The following TNKS variants were observed in gnomAD, a reference collection of about 807,000 sequenced individuals.
TNKS encodes the protein tankyrase.
Under a neutral mutation model 135.8 loss-of-function variants are expected in TNKS, and 72 were observed. That is an observed-to-expected ratio of 0.53 (90% CI 0.44 to 0.64). The LOEUF is 0.64. TNKS is among the 30% of genes least tolerant of loss of function. The pLI is 0.00. For synonymous variants in TNKS, 849 were observed against 649.3 expected, an observed-to-expected ratio of 1.31 and a Z score of -4.68; for missense variants, 1,769 against 1,674.0, an observed-to-expected ratio of 1.06 and a Z score of -0.99.
intron 2 of TNKS, among the ~76,000 whole-genome samples, chr8:9,604,484 A>G (rs577411809): frequency 1.3e-5 from 2 of 152,240 alleles, no homozygotes; most frequent in South Asian, 4.1e-4. Context: ...GTAATTAAGT[A>G]TCTGCCTAAC....
At chr8:9,651,002 GA>G (rs1388936297) in intron 3 of TNKS, among the ~76,000 whole-genome samples, 1 of 152,082 alleles carries the variant, frequency 6.6e-6, no homozygotes, top group African/African-American at 2.4e-5. Context: ...TATAAAGTGA[GA>G]GATGAGGATC....
At chr8:9,740,666 C>G (rs762972261) in intron 17 of TNKS, among the ~76,000 whole-genome samples, 5 of 152,072 alleles carry the variant, frequency 3.3e-5, no homozygotes, top group Non-Finnish European at 7.4e-5. Context: ...AGTTACCTTT[C>G]TAAAGATGAG....
Position 9,733,292 on chromosome 8 carries a change from C to T in TNKS, c.2161C>T (p.Leu721Phe). 1 of 1,563,366 alleles carries T rather than the reference C, an allele frequency of 6.4e-7. No individual in the cohort carries two copies. The highest frequency in any genetic ancestry group is 8.6e-7 in the Non-Finnish European group (1 of 1,162,232). The stretch of plus-strand genomic sequence containing the variant: ...TCTTTTGTTTAGTGGCTTGGTGCCC[C>T]TTCATAATGCCTGTTCATATGGACA... Reference protein sequence around the residue: ...HAKDKGGLVPLHNACSYGHYE... With the variant: ...HAKDKGGLVPFHNACSYGHYE... Residue 721 changes from leucine to phenylalanine, a missense_variant, in exon 15 of 27, where the codon CTT becomes TTT. Physicochemically the swap from Leu to Phe is conservative, Grantham distance 22. This residue lies in a region of TNKS where 69 missense variants were observed against 120.3 expected (regional missense o/e 0.57). Transcript: ENST00000310430.
chr8:9,768,314 A>C (rs1651995969), intron 25 of TNKS, among the ~76,000 whole-genome samples: 1 of 152,226 alleles, frequency 6.6e-6, no homozygotes, highest in African/African-American at 2.4e-5. Flanking sequence ...AGCTGGCCAC[A>C]GTCTCATAGT....
At position 9,763,259 on chromosome 8, in the gene TNKS, A is replaced by C. The variant is rs769308714; in HGVS notation, c.3372+15A>C. 6.6e-7 allele frequency: 1 copy of C among 1,512,586 alleles called. No homozygotes were observed. The highest frequency in any genetic ancestry group is 9.1e-7 in the Non-Finnish European group (1 of 1,104,688). 93.7% of individuals were successfully genotyped at this position (1,512,586 alleles called of 1,614,324 possible). ...TGGAAGAAGAGGTAATATACATCAG[A>C]AATCTTTCATTTGCTTTTCTTGAAA... On this transcript the variant is annotated intron_variant, in intron 22 of 26. Coordinates refer to ENST00000310430, the MANE Select transcript of TNKS (RefSeq NM_003747.3).
At position 9,751,789 on chromosome 8, in the gene TNKS, G is replaced by A. The variant is rs1409838355; in HGVS notation, c.3013G>A (p.Gly1005Arg). Residue 1005 changes from glycine (G) to arginine (R), a missense_variant, in exon 19 of 27, where the codon GGA becomes AGA. This residue lies in a region of TNKS where 722 missense variants were observed against 688.9 expected (regional missense o/e 1.05). Coordinates refer to ENST00000310430, the MANE Select transcript of TNKS (RefSeq NM_003747.3). ...LTGPLAELAV[G>R]GASNAGDGAA... ...TGGCCCTTTAGCAGAGTTGGCCGTA[G>A]GAGGAGCCTCCAATGCAGGGGATGG... 8 of 1,614,172 alleles carry A rather than the reference G, an allele frequency of 5.0e-6. No homozygotes were observed. Among genetic ancestry groups the A allele is most frequent in the South Asian group, 3.3e-5 (3 of 91,080 alleles).
chr8:9,663,202 C>A (rs1048019575), intron 3 of TNKS, among the ~76,000 whole-genome samples: 2 of 152,190 alleles, frequency 1.3e-5, no homozygotes, highest in African/African-American at 4.8e-5. Context: ...CTTATGACCT[C>A]CAGAACTGTG....
chr8:9,615,915 C>T (rs35721526), intron 3 of TNKS, among the ~76,000 whole-genome samples: 13,046 of 151,656 alleles, frequency 0.086, 589 homozygotes, highest in South Asian at 0.17. Flanking sequence ...TAACATCTTT[C>T]ACTCGTATTT....
chr8:9,693,171 G>A (rs1434828868), intron 5 of TNKS, among the ~76,000 whole-genome samples: 1 of 152,134 alleles, frequency 6.6e-6, no homozygotes, highest in African/African-American at 2.4e-5. Flanking sequence ...GTTTTGATAA[G>A]ACAGAGCAAA....
Position 9,766,361 on chromosome 8 carries a change from T to C in TNKS, c.3676T>C (p.Tyr1226His), listed in dbSNP as rs886589062. The change falls in exon 25 of 27, where the codon TAT (tyrosine) becomes CAT (histidine). Residue 1226 changes from tyrosine to histidine, a missense_variant. Tyr to His is a moderately conservative substitution (Grantham distance 83, BLOSUM62 2). Transcript: ENST00000310430. The stretch of plus-strand genomic sequence containing the variant: ...CTCCTCAAAAAGCAACCAATATGTT[T>C]ATGGAATTGGAGGAGGAACAGGCTG... ...ENSSKSNQYV[Y>H]GIGGGTGCPT... 1 of 1,613,900 alleles carries C rather than the reference T, an allele frequency of 6.2e-7. No homozygotes were observed. Among genetic ancestry groups the C allele is most frequent in the African/African-American group, 1.3e-5 (1 of 75,006 alleles).
chr8:9,637,410 G>A (rs1396152007), intron 3 of TNKS, among the ~76,000 whole-genome samples: 1 of 152,210 alleles, frequency 6.6e-6, no homozygotes, highest in African/African-American at 2.4e-5. Context: ...TTTGGCTCCA[G>A]TATTTGAAAA....
intron 2 of TNKS, among the ~76,000 whole-genome samples, chr8:9,611,728 A>T (rs1211482460): frequency 6.6e-6 from 1 of 152,206 alleles, no homozygotes; most frequent in African/African-American, 2.4e-5. Flanking sequence ...ATAAATCCCC[A>T]TAGAGAACAG....
chr8:9,602,653 T>C (rs1461732085), intron 2 of TNKS, among the ~76,000 whole-genome samples: 2 of 152,230 alleles, frequency 1.3e-5, no homozygotes, highest in African/African-American at 2.4e-5. Flanking sequence ...GTAGTTCAAA[T>C]GGAGACTCTA....
At chr8:9,631,101 A>C (rs4841186) in intron 3 of TNKS, among the ~76,000 whole-genome samples, 15,676 of 152,256 alleles carry the variant, frequency 0.1, 1,147 homozygotes, top group East Asian at 0.22. Context: ...TTCTTGGCTA[A>C]GTATTAGAAG....
intron 20 of TNKS, among the ~76,000 whole-genome samples, chr8:9,757,712 T>C (rs1441591272): frequency 1.3e-5 from 2 of 152,224 alleles, no homozygotes; most frequent in African/African-American, 2.4e-5. Context: ...TGGTTAGCAC[T>C]CTGTTTCATG....
intron 17 of TNKS, among the ~76,000 whole-genome samples, chr8:9,738,649 C>T (rs1021812575): frequency 1.9e-5 from 1 of 53,874 alleles, no homozygotes; most frequent in Non-Finnish European, 3.5e-5. Context: ...GCCTTCATTT[C>T]GTTATGTACC....
intron 21 of TNKS, among the ~76,000 whole-genome samples, chr8:9,762,886 CAG>C (rs1032305932): frequency 1.0e-4 from 15 of 143,072 alleles, no homozygotes; most frequent in Admixed American, 1.4e-4. Context: ...GCCTGGGCGA[CAG>C]AGCGAGGCTC....
intron 3 of TNKS, among the ~76,000 whole-genome samples, chr8:9,631,175 A>G (rs565040158): frequency 2.0e-5 from 3 of 152,336 alleles, no homozygotes; most frequent in Non-Finnish European, 4.4e-5. Context: ...TTCATAAAGT[A>G]GTTTTTATAA....
intron 5 of TNKS, among the ~76,000 whole-genome samples, chr8:9,685,963 A>C (rs1219934573): frequency 6.6e-6 from 1 of 152,090 alleles, no homozygotes; most frequent in Non-Finnish European, 1.5e-5. Context: ...ACTTTTTTCC[A>C]AATACTGTGT....
Sources: gnomAD v4.1 joint callset for allele counts (sites outside exome capture counted in the v4.1 genomes callset) on GRCh38, gnomAD v4.1.1 for gene constraint, gnomAD v4.1.1 regional missense constraint, MANE v1.5 for transcripts, NCBI Gene and HGNC (gene_info 2026-07-23, HGNC 2026-07-21) for gene names.